KIAA0753: variants seen among roughly 807,000 people sequenced by gnomAD.
KIAA0753 encodes the protein KIAA0753, also known as protein moonraker.
Under a neutral mutation model 116.9 loss-of-function variants are expected in KIAA0753, and 114 were observed. That is an observed-to-expected ratio of 0.98 (90% CI 0.84 to 1.14). KIAA0753 has a LOEUF of 1.14. Ranked by LOEUF, KIAA0753 falls within the 50% of genes most tolerant of loss-of-function variation. The pLI is 0.00. For synonymous variants in KIAA0753, 405 were observed against 413.1 expected, an observed-to-expected ratio of 0.98 and a Z score of 0.24; for missense variants, 1,156 against 1,172.4, an observed-to-expected ratio of 0.99 and a Z score of 0.20.
intron 7 of KIAA0753, among the ~76,000 whole-genome samples, chr17:6,615,236 A>G (rs1020141716): frequency 6.6e-6 from 1 of 152,110 alleles, no homozygotes; most frequent in African/African-American, 2.4e-5. Context: ...CGCCTGGCCC[A>G]TAAGTTTTAA....
chr17:6,584,156 A>AATTCCAACCTCCGTCCTCTG (rs71154702), intron 18 of KIAA0753, among the ~76,000 whole-genome samples: 1 of 151,718 alleles, frequency 6.6e-6, no homozygotes, highest in African/African-American at 2.4e-5. Flanking sequence ...GCAACCCGTG[A>AATTCCAACCTCCGTCCTCTG]ATTCCAGCCT....
At chr17:6,636,256 C>T (rs1972313353) in intron 1 of KIAA0753, 1 of 152,092 alleles carries the variant, frequency 6.6e-6, no homozygotes, top group South Asian at 2.1e-4. Flanking sequence ...CTGTAGCACA[C>T]ATGAAAAAAG....
rs1182209658 is a variant in KIAA0753, at chr17:6,579,111, A to C, written c.*636T>G. ...AATAAAATATGCTGAGGAACTAAAA[A>C]TGTGAAAATCACCTAGGAATGGAAC... On this transcript the variant is annotated 3_prime_UTR_variant, in exon 19 of 19. Coordinates refer to ENST00000361413, the MANE Select transcript of KIAA0753 (RefSeq NM_014804.3). The C allele has an allele frequency of 6.6e-6, 1 of 152,266 alleles. No homozygotes were observed. Among genetic ancestry groups the C allele is most frequent in the Non-Finnish European group, 1.5e-5 (1 of 68,060 alleles). 9.4% of individuals were successfully genotyped at this position (152,266 alleles called of 1,614,324 possible).
chr17:6,637,034 C>A (rs62061480), intron 1 of KIAA0753: 15,492 of 152,426 alleles, frequency 0.1, 965 homozygotes, highest in Middle Eastern at 0.19. Context: ...CATAACCTGG[C>A]CCCAGGCACA....
At position 6,595,023 on chromosome 17, in the gene KIAA0753, T is replaced by C; in HGVS notation, c.2389A>G (p.Asn797Asp). Residue 797 changes from asparagine (N) to aspartate (D), a missense_variant, in exon 16 of 19, where the codon AAT becomes GAT. Asn to Asp is a conservative substitution (Grantham distance 23). Transcript: ENST00000361413. ...CGAGGATCAGCATATGCGATTTTATTATATCTTTGACGAACAGACTCCTGG... is the reference window on the plus strand; with the variant it reads ...CGAGGATCAGCATATGCGATTTTATCATATCTTTGACGAACAGACTCCTGG... ...KYQESVRQRY[N>D]KIAYADPRLW... 6.2e-7 allele frequency: 1 copy of C among 1,612,270 alleles called. No individual in the cohort carries two copies. Among genetic ancestry groups the C allele is most frequent in the Non-Finnish European group, 8.5e-7 (1 of 1,178,818 alleles).
In KIAA0753 at chr17:6,611,914, C is replaced by T; in HGVS notation, c.1545+5G>A. ...ATGGGCCAAAAGAGAGGAATGATTT[C>T]ATACTTGCTGTCTTGCTGGCGCCAG... is the stretch of plus-strand genomic sequence containing the variant. On this transcript the variant is annotated splice_donor_5th_base_variant and intron_variant, in intron 8 of 18. Transcript: ENST00000361413. 1 of 1,611,256 alleles carries T rather than the reference C, an allele frequency of 6.2e-7. No homozygotes were observed. The highest frequency in any genetic ancestry group is 1.7e-4 in the Middle Eastern group (1 of 6,056).
At chr17:6,626,848 T>C (rs1480819964) in intron 3 of KIAA0753, among the ~76,000 whole-genome samples, 1 of 152,122 alleles carries the variant, frequency 6.6e-6, no homozygotes, top group East Asian at 1.9e-4. Flanking sequence ...CTTTGAAAGC[T>C]CTGTTCTAAC....
At chr17:6,620,075 G>A (rs1013414399) in intron 7 of KIAA0753, among the ~76,000 whole-genome samples, 5 of 152,144 alleles carry the variant, frequency 3.3e-5, no homozygotes, top group African/African-American at 1.2e-4. Flanking sequence ...TTAGAACCCA[G>A]CAGGGAGATG....
intron 3 of KIAA0753, among the ~76,000 whole-genome samples, chr17:6,625,105 A>G (rs909692523): frequency 1.3e-5 from 2 of 152,232 alleles, no homozygotes; most frequent in African/African-American, 2.4e-5. Context: ...GCTCCCCTCC[A>G]GCCAGAATTC....
At chr17:6,583,321 T>C (rs936475849) in intron 18 of KIAA0753, among the ~76,000 whole-genome samples, 1 of 152,244 alleles carries the variant, frequency 6.6e-6, no homozygotes, top group African/African-American at 2.4e-5. Context: ...TTCAGCAATA[T>C]TGAGTATGGA....
In KIAA0753 at chr17:6,590,611, TATTGCTGAGATTTTTTGGTCTAGA is replaced by T. The variant is rs750994621; in HGVS notation, c.2441-5_2459del. The T allele has an allele frequency of 5.6e-6, 9 of 1,613,756 alleles. No individual in the cohort carries two copies. The highest frequency in any genetic ancestry group is 5.9e-6 in the Non-Finnish European group (7 of 1,179,822). On this transcript the variant is annotated splice_acceptor_variant and splice_polypyrimidine_tract_variant and coding_sequence_variant and intron_variant, in exon 17 of 19. Transcript: ENST00000361413. LOFTEE classifies it high-confidence loss of function. Reference sequence around the variant, plus strand: ...GATGAGGAGATAGAGGCTTTTCACTTATTGCTGAGATTTTTTGGTCTAGAAAAGGAGGGTCATAAAATGACTGCA... The same window carrying T: ...GATGAGGAGATAGAGGCTTTTCACTTAAAGGAGGGTCATAAAATGACTGCA...
In KIAA0753 at chr17:6,579,696, G is replaced by A. The variant is rs1204507723; in HGVS notation, c.*51C>T. On this transcript the variant is annotated 3_prime_UTR_variant, in exon 19 of 19. Coordinates refer to ENST00000361413, the MANE Select transcript of KIAA0753 (RefSeq NM_014804.3). ...TTTCCTGTGGGCCAAAACAAAGGGT[G>A]GTGCCATCCCTTCTCCAGTGTGACA... 1 of 1,260,730 alleles carries A rather than the reference G, an allele frequency of 7.9e-7. No homozygotes were observed. The highest frequency in any genetic ancestry group is 1.2e-6 in the Non-Finnish European group (1 of 863,128). The allele number at this position is 1,260,730 out of a possible 1,614,324, so 78.1% of individuals were successfully genotyped here.
intron 16 of KIAA0753, among the ~76,000 whole-genome samples, 187 bp downstream of exon 16, chr17:6,594,785 C>T (rs992160729): frequency 6.6e-6 from 1 of 151,896 alleles, no homozygotes; most frequent in Admixed American, 6.6e-5. Flanking sequence ...CTTTGAAATG[C>T]GAACATAAGA....
chr17:6,620,329 A>G (rs1343048208), intron 7 of KIAA0753, among the ~76,000 whole-genome samples: 1 of 152,014 alleles, frequency 6.6e-6, no homozygotes, highest in Non-Finnish European at 1.5e-5. Context: ...TTAAGGGGCA[A>G]GTTGGCAGTA....
At chr17:6,630,944 A>T (rs749742208) in intron 2 of KIAA0753, among the ~76,000 whole-genome samples, 6 of 152,228 alleles carry the variant, frequency 3.9e-5, no homozygotes, top group Non-Finnish European at 8.8e-5. Context: ...ATCAGAGACT[A>T]ATGAGATTAG....
At chr17:6,599,373 T>G in intron 13 of KIAA0753, 53 bp from the exon 14 acceptor site, 1 of 1,175,370 alleles carries the variant, frequency 8.5e-7, no homozygotes, top group African/African-American at 1.5e-5. Context: ...TAGCTCCTAT[T>G]AGTACAAATG....
At chr17:6,610,189 C>A in intron 8 of KIAA0753, 29 bp from the exon 9 acceptor site, 1 of 1,610,574 alleles carries the variant, frequency 6.2e-7, no homozygotes, top group Non-Finnish European at 8.5e-7. Context: ...AATTATAAGG[C>A]CACACAAATA....
In KIAA0753 at chr17:6,595,052, T is replaced by C; in HGVS notation, c.2360A>G (p.Lys787Arg). The part of the protein sequence containing the change: ...IMMRRMEEME[K>R]YQESVRQRYN... ...TCTTTGACGAACAGACTCCTGGTAT[T>C]TCTTTAAAAAAAAAGAAAAAAGTTT... Residue 787 changes from lysine to arginine, a missense_variant and splice_region_variant, in exon 16 of 19, where the codon AAA (lysine) becomes AGA (arginine). Physicochemically the swap from Lys to Arg is conservative, Grantham distance 26. Coordinates refer to ENST00000361413, the MANE Select transcript of KIAA0753 (RefSeq NM_014804.3). The C allele has an allele frequency of 6.3e-7, 1 of 1,594,828 alleles. No individual in the cohort carries two copies. Among genetic ancestry groups the C allele is most frequent in the South Asian group, 1.1e-5 (1 of 87,744 alleles).
At chr17:6,609,328 C>A (rs141909121) in intron 9 of KIAA0753, among the ~76,000 whole-genome samples, 1 of 152,344 alleles carries the variant, frequency 6.6e-6, no homozygotes, top group African/African-American at 2.4e-5. Context: ...AAAACTACTG[C>A]CTCACGGCAA....
Sources: gnomAD v4.1 joint callset for allele counts (sites outside exome capture counted in the v4.1 genomes callset) on GRCh38, gnomAD v4.1.1 for gene constraint, MANE v1.5 for transcripts, NCBI Gene and HGNC (gene_info 2026-07-23, HGNC 2026-07-21) for gene names.